Variants in NTAQ1 observed in about 807,000 individuals in gnomAD.
NTAQ1 encodes protein N-terminal glutamine amidohydrolase.
Under a neutral mutation model 28.2 loss-of-function variants are expected in NTAQ1, and 21 were observed. The observed-to-expected ratio is 0.74, with a 90% CI of 0.53 to 1.07. The LOEUF (loss-of-function observed/expected upper bound fraction) is 1.07, where lower values mean the gene tolerates loss of function less well. NTAQ1 is among the 50% of genes least tolerant of loss of function. The pLI, the probability that NTAQ1 is intolerant of heterozygous loss-of-function variation, is 0.00. For synonymous variants in NTAQ1, 105 were observed against 90.0 expected (o/e 1.17, Z -0.94); for missense variants, 264 against 256.6 (o/e 1.03, Z -0.20).
chr8:123,460,618 A>C (rs4871381), intron 6 of NTAQ1, among the ~76,000 whole-genome samples: 133,872 of 152,194 alleles, frequency 0.88, 59,531 homozygotes, highest in East Asian at 0.99. Flanking sequence ...TGAATCTTGT[A>C]GGAAAAAAGC....
At chr8:123,417,008 C>A in intron 1 of NTAQ1, 76 bp downstream of exon 1, 1 of 1,342,914 alleles carries the variant, frequency 7.4e-7, no homozygotes, top group Admixed American at 3.4e-5. Flanking sequence ...CCGCCTCTTC[C>A]CGGCCCCTCC....
downstream of NTAQ1, among the ~76,000 whole-genome samples, chr8:123,473,721 G>A (rs183868486): frequency 1.5e-3 from 231 of 152,152 alleles, 1 homozygote; most frequent in African/African-American, 5.4e-3. Context: ...TCTTTCAAGC[G>A]GTAAGTAATT....
At chr8:123,470,172 G>A (rs1162761846), downstream of NTAQ1, among the ~76,000 whole-genome samples, 1 of 152,206 alleles carries the variant, frequency 6.6e-6, no homozygotes, top group Non-Finnish European at 1.5e-5. Context: ...ACTGAAGCCT[G>A]CTGGACCTTG....
intron 6 of NTAQ1, among the ~76,000 whole-genome samples, chr8:123,447,662 C>G (rs570101712): frequency 1.4e-4 from 21 of 152,322 alleles, no homozygotes; most frequent in African/African-American, 5.1e-4. Context: ...GCTTTCTGAT[C>G]ACCTCCTTAC....
At chr8:123,473,668 A>G (rs548598463), downstream of NTAQ1, among the ~76,000 whole-genome samples, 1 of 152,336 alleles carries the variant, frequency 6.6e-6, no homozygotes, top group East Asian at 1.9e-4. Context: ...CATGTAGCAC[A>G]TATATTCAAC....
intron 6 of NTAQ1, among the ~76,000 whole-genome samples, chr8:123,461,046 AT>A (rs1815809321): frequency 6.6e-6 from 1 of 152,102 alleles, no homozygotes. Flanking sequence ...CCTGCTTTCC[AT>A]AGGCACCCTC....
chr8:123,435,410 C>A, intron 3 of NTAQ1: 1 of 952,360 alleles, frequency 1.1e-6, no homozygotes, highest in Non-Finnish European at 1.3e-6. Flanking sequence ...TGGTTCCAAA[C>A]TAGAAATTAA....
downstream of NTAQ1, among the ~76,000 whole-genome samples, chr8:123,452,363 A>G (rs989754915): frequency 6.6e-6 from 1 of 152,138 alleles, no homozygotes. Flanking sequence ...TTGGGAGGCC[A>G]ACGCCGGTGG....
chr8:123,466,918 A>T (rs759526909), intron 6 of NTAQ1, among the ~76,000 whole-genome samples: 1 of 152,220 alleles, frequency 6.6e-6, no homozygotes, highest in Admixed American at 6.5e-5. Flanking sequence ...GGAAATAAAC[A>T]TCTTCTATAT....
intron 5 of NTAQ1, chr8:123,438,124 G>T (rs3765212): frequency 0.37 from 258,695 of 698,838 alleles, 49,259 homozygotes; most frequent in East Asian, 0.57. Context: ...TCTCATTTAT[G>T]TGCTTTTAGG....
chr8:123,459,849 TG>T (rs1258457581), intron 6 of NTAQ1, among the ~76,000 whole-genome samples: 2 of 147,230 alleles, frequency 1.4e-5, no homozygotes, highest in Non-Finnish European at 3.0e-5. Context: ...TTGCCCAGGC[TG>T]GAGTGCAATG....
chr8:123,440,190 C>T (rs7836832), intron 5 of NTAQ1, among the ~76,000 whole-genome samples: 46,942 of 112,024 alleles, frequency 0.42, 8,683 homozygotes, highest in East Asian at 0.61. Flanking sequence ...GAGTCTTGCT[C>T]TATTGCCCAG....
Position 123,441,420 on chromosome 8 carries a change from G to A in NTAQ1, c.*5G>A, listed in dbSNP as rs1181172989. On this transcript the variant is annotated 3_prime_UTR_variant, in exon 6 of 6. Transcript: ENST00000287387. ...TTTGGCAGTAAAAACTGCTGAACTT[G>A]GTCTCAAGATGTGGAACTGTGGAGA... 6.2e-7 allele frequency: 1 copy of A among 1,600,878 alleles called. No individual in the cohort carries two copies.
chr8:123,455,537 G>A (rs780620042), intron 6 of NTAQ1, among the ~76,000 whole-genome samples: 3 of 148,390 alleles, frequency 2.0e-5, no homozygotes, highest in Admixed American at 6.9e-5. Flanking sequence ...GCGATTCTCT[G>A]CCTCAGCTTC....
chr8:123,467,360 G>T (rs1290518007), exon 7 of NTAQ1: 2 of 152,082 alleles, frequency 1.3e-5, no homozygotes, highest in Admixed American at 1.3e-4. Flanking sequence ...CTAAATGTTT[G>T]TGCCAACTTA....
chr8:123,444,530 G>A (rs976825867), downstream of NTAQ1, among the ~76,000 whole-genome samples: 1 of 151,928 alleles, frequency 6.6e-6, no homozygotes, highest in Non-Finnish European at 1.5e-5. Context: ...TTTTTGAGAG[G>A]GAGTCTCGCT....
chr8:123,434,342 T>G (rs774071721), intron 3 of NTAQ1, among the ~76,000 whole-genome samples: 9 of 152,024 alleles, frequency 5.9e-5, no homozygotes, highest in Non-Finnish European at 7.4e-5. Context: ...AAAACTGATA[T>G]GGGACTGGGC....
chr8:123,419,322 C>T (rs1239953663), intron 1 of NTAQ1, among the ~76,000 whole-genome samples: 1 of 152,098 alleles, frequency 6.6e-6, no homozygotes, highest in East Asian at 1.9e-4. Context: ...TGGTCTTGAA[C>T]TCCTGACCTC....
intron 1 of NTAQ1, among the ~76,000 whole-genome samples, chr8:123,426,832 C>T (rs745330414): frequency 2.0e-5 from 3 of 151,990 alleles, no homozygotes; most frequent in Non-Finnish European, 4.4e-5. Flanking sequence ...TGGTGCTGCA[C>T]GCCTGTAATC....
Sources: allele counts gnomAD v4.1 joint callset (sites outside exome capture counted in the v4.1 genomes callset), GRCh38; gene constraint gnomAD v4.1.1; transcripts MANE v1.5; gene names NCBI Gene and HGNC (gene_info 2026-07-23, HGNC 2026-07-21).